Variants in EYA1 observed in about 807,000 individuals in gnomAD.
EYA1 encodes the protein EYA transcriptional coactivator and phosphatase 1, also known as protein phosphatase EYA1.
In EYA1, 16 loss-of-function variants were observed where a neutral mutation model predicts 82.0. The ratio of observed to expected loss-of-function variants is 0.20; its 90% CI spans 0.13 to 0.30. The LOEUF (loss-of-function observed/expected upper bound fraction) is 0.30, where lower values mean the gene tolerates loss of function less well. Among genes scored for constraint, EYA1 ranks in the 10% least tolerant of loss-of-function variants. The pLI is 1.00. For missense variants in EYA1, 633 were observed against 730.7 expected, an observed-to-expected ratio of 0.87 and a Z score of 1.54; for synonymous variants, 261 against 264.4, an observed-to-expected ratio of 0.99 and a Z score of 0.12.
At chr8:71,532,432 C>T (rs1444942732) in intron 2 of EYA1, among the ~76,000 whole-genome samples, 1 of 152,142 alleles carries the variant, frequency 6.6e-6, no homozygotes, top group Non-Finnish European at 1.5e-5. Flanking sequence ...GAGGCATCGC[C>T]ACCTTCTCTT....
rs1431798771 is a variant in EYA1 at position 71,269,819 on chromosome 8, A to G, written c.971T>C (p.Val324Ala). 2.7e-5 allele frequency: 44 copies of G among 1,613,068 alleles called. No homozygotes were observed. Among genetic ancestry groups the G allele is most frequent in the Non-Finnish European group, 3.4e-5 (40 of 1,179,272 alleles). ...TGTCTCATCCAAGTCCCAGATGAAC[A>G]CTCTCTACAAAGGAAGAACCAAATC... The part of the protein sequence containing the change: ...SPPPDSDLER[V>A]FIWDLDETII... The change falls in exon 11 of 18, where the codon GTG (valine) becomes GCG (alanine). Residue 324 changes from valine to alanine, a missense_variant. Val to Ala is a moderately conservative substitution (Grantham distance 64). Transcript: ENST00000340726.
At chr8:71,510,996 T>G (rs2129251933) in intron 2 of EYA1, among the ~76,000 whole-genome samples, 1 of 152,326 alleles carries the variant, frequency 6.6e-6, no homozygotes, top group East Asian at 1.9e-4. Context: ...GCAATATTTC[T>G]TGTGTCAATC....
chr8:71,244,525 A>T, intron 12 of EYA1, 78 bp downstream of exon 12: 1 of 786,074 alleles, frequency 1.3e-6, no homozygotes, highest in South Asian at 1.5e-5. Context: ...ACATTAAAAA[A>T]TAATATCCTA....
rs545965074 is a variant in EYA1 at position 71,211,404 on chromosome 8, G to C, written c.1598-148C>G. ...AAGAGGAATGCTTTTATGCCACTTG[G>C]GTTGTATGTGCCACAGCACAATAAA... is the stretch of plus-strand genomic sequence containing the variant. On this transcript the variant is annotated intron_variant, in intron 16 of 17. Coordinates refer to ENST00000340726, the MANE Select transcript of EYA1 (RefSeq NM_000503.6). The C allele has an allele frequency of 7.7e-5, 51 of 662,024 alleles. 1 individual carries two copies. The highest frequency in any genetic ancestry group is 3.5e-4 in the Admixed American group (16 of 45,814). 41.0% of individuals were successfully genotyped at this position (662,024 alleles called of 1,614,324 possible). A position where few individuals can be genotyped will look rare whatever the true frequency, so the allele number is the denominator to read the frequency against.
chr8:71,457,265 A>G (rs1380060483), intron 2 of EYA1, among the ~76,000 whole-genome samples: 1 of 152,106 alleles, frequency 6.6e-6, no homozygotes, highest in Non-Finnish European at 1.5e-5. Context: ...GAAACAACAG[A>G]TGCTGGAGAG....
At chr8:71,323,970 G>A (rs756599090) in intron 4 of EYA1, 4 of 152,150 alleles carry the variant, frequency 2.6e-5, no homozygotes, top group Non-Finnish European at 5.9e-5. Context: ...CAGAATTATT[G>A]GAGAAGTAAT....
At chr8:71,289,083 T>C (rs1818721808) in intron 9 of EYA1, among the ~76,000 whole-genome samples, 1 of 152,286 alleles carries the variant, frequency 6.6e-6, no homozygotes, top group African/African-American at 2.4e-5. Context: ...TTAAAATTTT[T>C]TTTAAAAGAT....
chr8:71,347,251 T>C (rs1245318537), intron 3 of EYA1, among the ~76,000 whole-genome samples: 1 of 152,214 alleles, frequency 6.6e-6, no homozygotes, highest in Non-Finnish European at 1.5e-5. Context: ...ACACATTGTA[T>C]TCACAGACTG....
At chr8:71,478,248 T>C (rs569114978) in intron 2 of EYA1, among the ~76,000 whole-genome samples, 9 of 152,146 alleles carry the variant, frequency 5.9e-5, no homozygotes, top group Non-Finnish European at 1.2e-4. Flanking sequence ...TTTAAGAGCA[T>C]GTAAAAGGCT....
At chr8:71,332,883 T>C (rs1335998268) in intron 4 of EYA1, among the ~76,000 whole-genome samples, 2 of 152,192 alleles carry the variant, frequency 1.3e-5, no homozygotes, top group African/African-American at 4.8e-5. Context: ...TCATGGAGTG[T>C]CCATTTGTCC....
chr8:71,378,656 T>G (rs1425015697), intron 2 of EYA1, among the ~76,000 whole-genome samples: 2 of 152,226 alleles, frequency 1.3e-5, no homozygotes, highest in Non-Finnish European at 2.9e-5. Flanking sequence ...GAAAACTTTA[T>G]TATTTATAAT....
intron 2 of EYA1, among the ~76,000 whole-genome samples, chr8:71,509,342 C>A (rs146307739): frequency 1.3e-5 from 2 of 152,222 alleles, no homozygotes; most frequent in South Asian, 2.1e-4. Flanking sequence ...TTATAACCAA[C>A]CTTATTGCTT....
At chr8:71,397,886 T>C (rs901208629) in intron 2 of EYA1, among the ~76,000 whole-genome samples, 14 of 152,214 alleles carry the variant, frequency 9.2e-5, no homozygotes, top group Non-Finnish European at 1.5e-5. Flanking sequence ...CAGAGTGTTT[T>C]CCAACTTGGT....
upstream of EYA1, among the ~76,000 whole-genome samples, chr8:71,363,498 G>C (rs754311552): frequency 1.3e-5 from 2 of 152,178 alleles, no homozygotes; most frequent in Non-Finnish European, 2.9e-5. Context: ...GGAATCATGG[G>C]CTAGTCATCT....
intron 2 of EYA1, among the ~76,000 whole-genome samples, chr8:71,368,878 T>A (rs1471936840): frequency 6.6e-6 from 1 of 151,714 alleles, no homozygotes; most frequent in East Asian, 1.9e-4. Flanking sequence ...GGAAAAAAAA[T>A]TAGACATTTC....
chr8:71,528,210 A>T (rs534635135), intron 2 of EYA1, among the ~76,000 whole-genome samples: 1 of 152,300 alleles, frequency 6.6e-6, no homozygotes, highest in East Asian at 1.9e-4. Flanking sequence ...AGCATCAGCC[A>T]CAAGCAATTT....
intron 2 of EYA1, among the ~76,000 whole-genome samples, chr8:71,387,209 C>T (rs1563559093): frequency 6.6e-6 from 1 of 151,886 alleles, no homozygotes; most frequent in Non-Finnish European, 1.5e-5. Flanking sequence ...TGAATGACTA[C>T]AGGTAAGGAA....
intron 2 of EYA1, among the ~76,000 whole-genome samples, chr8:71,439,989 A>T (rs915933700): frequency 1.3e-5 from 2 of 152,172 alleles, no homozygotes; most frequent in Non-Finnish European, 2.9e-5. Context: ...TAAAAATAAT[A>T]ATTATTTTTA....
rs1184739205 is a variant in EYA1 at position 71,334,450 on chromosome 8, T to C, written c.125-276A>G. On this transcript the variant is annotated intron_variant, in intron 3 of 17. Coordinates refer to ENST00000340726, the MANE Select transcript of EYA1 (RefSeq NM_000503.6). ...ATCATTGTTTTACATATTTACTGAA[T>C]TACTTATTGATAAATTATCTCTCAA... 15 of 459,074 alleles carry C rather than the reference T, an allele frequency of 3.3e-5. No homozygotes were observed. The East Asian group carries it at 6.6e-4, about 20-fold the overall frequency. The allele number at this position is 459,074 out of a possible 1,614,324, so 28.4% of individuals were successfully genotyped here.
Sources: gnomAD v4.1 joint callset for allele counts (sites outside exome capture counted in the v4.1 genomes callset) on GRCh38, gnomAD v4.1.1 for gene constraint, MANE v1.5 for transcripts, NCBI Gene and HGNC (gene_info 2026-07-23, HGNC 2026-07-21) for gene names.